The following PSMB3 variants were observed in gnomAD, a reference collection of about 807,000 sequenced individuals.
The protein encoded by PSMB3 is proteasome 20S subunit beta 3, also known as proteasome subunit beta type-3.
In PSMB3, 5 loss-of-function variants were observed where a neutral mutation model predicts 23.3. The observed-to-expected ratio is 0.21, with a 90% CI of 0.11 to 0.45. PSMB3 has a LOEUF of 0.45. Ranked by LOEUF, PSMB3 falls within the 20% of genes least tolerant of loss-of-function variation. The pLI, the probability that PSMB3 is intolerant of heterozygous loss-of-function variation, is 0.99. For synonymous variants in PSMB3, 85 were observed against 99.8 expected (o/e 0.85, Z 0.88); for missense variants, 192 against 277.9 (o/e 0.69, Z 2.20).
intron 2 of PSMB3, 129 bp downstream of exon 2, chr17:38,753,463 A>T (rs1323897809): frequency 1.1e-6 from 1 of 947,124 alleles, no homozygotes; most frequent in East Asian, 2.8e-5. Context: ...GCCGCCTCCA[A>T]AAAACATGTC....
chr17:38,753,549 G>A (rs929590488), intron 2 of PSMB3, among the ~76,000 whole-genome samples: 1 of 151,664 alleles, frequency 6.6e-6, no homozygotes, highest in East Asian at 1.9e-4. Context: ...CATGATCTCA[G>A]CTCACTGCAA....
chr17:38,754,859 T>C (rs1476410968), intron 2 of PSMB3, among the ~76,000 whole-genome samples: 1 of 152,226 alleles, frequency 6.6e-6, no homozygotes, highest in Non-Finnish European at 1.5e-5. Flanking sequence ...TGGTCTGCTC[T>C]ATGCAGGGGC....
intron 3 of PSMB3, 115 bp from the exon 4 acceptor site, chr17:38,760,306 TCCTAAACAGG>T: frequency 9.7e-7 from 1 of 1,030,278 alleles, no homozygotes; most frequent in African/African-American, 1.6e-5. Flanking sequence ...AAGGTGATCT[TCCTAAACAGG>T]TCCTCCATTT....
chr17:38,753,071 C>A, intron 1 of PSMB3, 79 bp from the exon 2 acceptor site: 5 of 1,434,722 alleles, frequency 3.5e-6, no homozygotes, highest in South Asian at 1.3e-5. Flanking sequence ...CGTACAGGAG[C>A]CTCCGCATCA....
At chr17:38,764,005 G>A in intron 5 of PSMB3, 114 bp from the exon 6 acceptor site, 1 of 1,235,164 alleles carries the variant, frequency 8.1e-7, no homozygotes, top group Non-Finnish European at 1.2e-6. Flanking sequence ...GCAGCTATTT[G>A]TTCTGCTCCC....
rs1377200061 is a variant in PSMB3 at position 38,755,676 on chromosome 17, A to ATGTGTGTGTG, written c.189-206_189-205insGTGTGTGTGT. On this transcript the variant is annotated intron_variant, in intron 2 of 5. Transcript: ENST00000619426. ...AAAAAAAAAATATATATATATATATATATATATGTGTGTGTGTGTGTGTGT... is the reference window on the plus strand; with the variant it reads ...AAAAAAAAAATATATATATATATATATGTGTGTGTGTATATATGTGTGTGTGTGTGTGTGT... 9.6e-3 allele frequency among the ~76,000 whole-genome samples: 1,031 copies of ATGTGTGTGTG among 107,670 alleles called. 9 individuals are homozygous for ATGTGTGTGTG. Among genetic ancestry groups the ATGTGTGTGTG allele is most frequent in the South Asian group, 0.019 (57 of 2,970 alleles). The allele number at this position is 107,670 out of a possible 152,430, so 70.6% of individuals were successfully genotyped here.
chr17:38,755,693 T>TGA (rs1908161744), intron 2 of PSMB3, among the ~76,000 whole-genome samples, 190 bp from the exon 3 acceptor site: 1 of 134,692 alleles, frequency 7.4e-6, no homozygotes, highest in African/African-American at 2.9e-5. Flanking sequence ...TGTGTGTGTG[T>TGA]GTGTGTGTGT....
At chr17:38,760,913 G>A (rs1908406556) in intron 4 of PSMB3, among the ~76,000 whole-genome samples, 2 of 152,180 alleles carry the variant, frequency 1.3e-5, no homozygotes, top group Non-Finnish European at 2.9e-5. Flanking sequence ...TCAGTGTAGG[G>A]TTAGAGGCAG....
At position 38,752,882 on chromosome 17, in the gene PSMB3, G is replaced by A. The variant is rs994509898; in HGVS notation, c.3+53G>A. On this transcript the variant is annotated intron_variant, in intron 1 of 5. Transcript: ENST00000619426. The surrounding 1 kb of genome is among the most constrained non-coding windows in gnomAD (Gnocchi z 5.5). ...CATGGGGAAGGATTGAGAAGCGGAG[G>A]GGGTCAGGAGAGGCTTGGGGACGAA... 3.1e-6 allele frequency: 5 copies of A among 1,611,332 alleles called. No homozygotes were observed. In the African/African-American group the frequency reaches 4.0e-5, roughly 13 times the overall value.
intron 3 of PSMB3, among the ~76,000 whole-genome samples, chr17:38,759,587 C>T (rs1242701855): frequency 6.6e-6 from 1 of 150,628 alleles, no homozygotes; most frequent in Non-Finnish European, 1.5e-5. Flanking sequence ...CTCTGTCGCT[C>T]AGGCTGGAGT....
chr17:38,753,120 G>A, intron 1 of PSMB3, 30 bp from the exon 2 acceptor site: 6 of 1,582,240 alleles, frequency 3.8e-6, no homozygotes, highest in Non-Finnish European at 5.2e-6. Context: ...TTGACCCCCC[G>A]CGCTGACCCC....
chr17:38,752,962 G>T lies in PSMB3; in HGVS notation c.3+133G>T. 1 of 1,392,296 alleles carries T rather than the reference G, an allele frequency of 7.2e-7. No individual in the cohort carries two copies. The highest frequency in any genetic ancestry group is 9.9e-7 in the Non-Finnish European group (1 of 1,009,874). 86.2% of individuals were successfully genotyped at this position (1,392,296 alleles called of 1,614,324 possible). On this transcript the variant is annotated intron_variant, in intron 1 of 5. Transcript: ENST00000619426. This position sits in a 1 kb window ranked among gnomAD's most constrained non-coding sequence, Gnocchi z 5.5. ...TTTCAGTTCGAGGGGAGCGGGCCCCGGTGAGGACCAAGAGGGTGAGTGCGG... is the reference window on the plus strand; with the variant it reads ...TTTCAGTTCGAGGGGAGCGGGCCCCTGTGAGGACCAAGAGGGTGAGTGCGG...
intron 3 of PSMB3, among the ~76,000 whole-genome samples, chr17:38,758,817 T>C (rs1424192327): frequency 6.6e-6 from 1 of 152,088 alleles, no homozygotes; most frequent in African/African-American, 2.4e-5. Flanking sequence ...GAGGCCGAGG[T>C]GGGTGGATCA....
intron 3 of PSMB3, among the ~76,000 whole-genome samples, chr17:38,757,741 G>A (rs1284517804): frequency 1.3e-5 from 2 of 152,208 alleles, no homozygotes; most frequent in African/African-American, 4.8e-5. Flanking sequence ...CTTGAACCTG[G>A]GTGGTGGAGG....
In PSMB3 at chr17:38,755,997, G is replaced by T. The variant is rs376116508; in HGVS notation, c.296+7G>T. The T allele has an allele frequency of 2.9e-5, 46 of 1,598,044 alleles. No homozygotes were observed. The highest frequency in any genetic ancestry group is 3.9e-5 in the Non-Finnish European group (46 of 1,165,428). The stretch of plus-strand genomic sequence containing the variant: ...ACCTCTTGTATGAGAAACGGTGAGT[G>T]CAAGTGTAGCTAGCACTGAGGGAAT... On this transcript the variant is annotated splice_region_variant and intron_variant, in intron 3 of 5. Transcript: ENST00000619426.
At position 38,754,952 on chromosome 17, in the gene PSMB3, A is replaced by C. The variant is rs989553232; in HGVS notation, c.189-931A>C. Among the ~76,000 whole-genome samples, 7 of 151,444 alleles carry C rather than the reference A, an allele frequency of 4.6e-5. No homozygotes were observed. In the South Asian group the frequency reaches 1.5e-3, roughly 32 times the overall value. On this transcript the variant is annotated intron_variant, in intron 2 of 5. Transcript: ENST00000619426. ...CAGAGCTGCCAAATGGCCTTTTTCTAAGGCATCTTTCAAGTCTGTTAGCAC... is the reference window on the plus strand; with the variant it reads ...CAGAGCTGCCAAATGGCCTTTTTCTCAGGCATCTTTCAAGTCTGTTAGCAC...
intron 4 of PSMB3, 140 bp downstream of exon 4, chr17:38,760,748 G>T: frequency 1.9e-6 from 2 of 1,034,122 alleles, no homozygotes; most frequent in Non-Finnish European, 2.8e-6. Flanking sequence ...CCTTGGAAGG[G>T]TATCCAGAAA....
chr17:38,762,331 C>A (rs967794537), intron 4 of PSMB3, 80 bp from the exon 5 acceptor site: 11 of 1,204,756 alleles, frequency 9.1e-6, no homozygotes, highest in Non-Finnish European at 1.3e-5. Context: ...GAATCTTGAG[C>A]CTAGAAAAAA....
intron 3 of PSMB3, 115 bp downstream of exon 3, chr17:38,756,105 T>C: frequency 1.2e-6 from 1 of 860,996 alleles, no homozygotes; most frequent in Non-Finnish European, 1.8e-6. Context: ...TGCAGGATAA[T>C]ATCCTTATTT....
Sources: allele counts gnomAD v4.1 joint callset (sites outside exome capture counted in the v4.1 genomes callset), GRCh38; gene constraint gnomAD v4.1.1; non-coding constraint Gnocchi (gnomAD v3.1); transcripts MANE v1.5; gene names NCBI Gene and HGNC (gene_info 2026-07-23, HGNC 2026-07-21).